The following MZT2B variants were observed in gnomAD, a reference collection of about 807,000 sequenced individuals.
MZT2B encodes the protein mitotic spindle organizing protein 2B.
MZT2B carries 11 observed loss-of-function variants against 12.1 expected under a neutral mutation model. That is an observed-to-expected ratio of 0.91 (90% CI 0.57 to 1.50). The LOEUF is 1.50. Among genes scored for constraint, MZT2B ranks in the 40% most tolerant of loss-of-function variants. The pLI is 0.00. For missense variants in MZT2B, 209 were observed against 227.7 expected, an observed-to-expected ratio of 0.92 and a Z score of 0.53; for synonymous variants, 85 against 109.5, an observed-to-expected ratio of 0.78 and a Z score of 1.40.
At chr2:130,183,508 C>T in intron 2 of MZT2B, 1 of 564,752 alleles carries the variant, frequency 1.8e-6, no homozygotes, top group Non-Finnish European at 3.2e-6. Flanking sequence ...TGCTCATCCT[C>T]TCCGCATGTT....
At chr2:130,196,240 C>G in the MZT2B span, 1 of 1,613,972 alleles carries the variant, frequency 6.2e-7, no homozygotes, top group Non-Finnish European at 8.5e-7. Context: ...AGGAGTCGTC[C>G]CCGCCACCAA....
intron 2 of MZT2B, among the ~76,000 whole-genome samples, chr2:130,187,215 C>CA (rs1291052566): frequency 6.6e-6 from 1 of 151,888 alleles, no homozygotes; most frequent in Non-Finnish European, 1.5e-5. Flanking sequence ...ATTTTTGAGA[C>CA]AGTCTTGTTC....
At chr2:130,192,819 G>A (rs1690298137), downstream of MZT2B, among the ~76,000 whole-genome samples, 1 of 152,216 alleles carries the variant, frequency 6.6e-6, no homozygotes, top group Admixed American at 6.5e-5. Flanking sequence ...CATCAGGCCA[G>A]GTGTGGTGGC....
chr2:130,186,574 A>G (rs1690072220), intron 2 of MZT2B, among the ~76,000 whole-genome samples: 1 of 152,234 alleles, frequency 6.6e-6, no homozygotes. Context: ...TGAGCCACAC[A>G]TGGCTGGCAT....
At chr2:130,184,031 C>A (rs1444998927) in intron 2 of MZT2B, 1 of 1,550,214 alleles carries the variant, frequency 6.5e-7, no homozygotes, top group Non-Finnish European at 8.7e-7. Flanking sequence ...AACTGCCTGG[C>A]CCCAGGAGGC....
Position 130,185,586 on chromosome 2 carries a change from AG to A in MZT2B, c.319+2817del, listed in dbSNP as rs1273284321. 1.9e-5 allele frequency among the ~76,000 whole-genome samples: 2 copies of A among 104,202 alleles called. 1 individual carries two copies. Among genetic ancestry groups the A allele is most frequent in the Admixed American group, 2.4e-4 (2 of 8,506 alleles). 68.4% of individuals were successfully genotyped at this position (104,202 alleles called of 152,430 possible). ...GGGGGGTAACAAGGGTTACAGCAGGAGGGGGGTCGGCAGAGCCCCACACGTG... is the reference window on the plus strand; with the variant it reads ...GGGGGGTAACAAGGGTTACAGCAGGAGGGGGTCGGCAGAGCCCCACACGTG... On this transcript the variant is annotated intron_variant, in intron 2 of 2. Coordinates refer to ENST00000281871, the MANE Select transcript of MZT2B (RefSeq NM_025029.5).
chr2:130,183,229 G>C (rs1689861966), intron 2 of MZT2B: 1 of 277,406 alleles, frequency 3.6e-6, no homozygotes, highest in East Asian at 1.0e-4. Flanking sequence ...CTCGATCTCT[G>C]TCCTGTGGTA....
chr2:130,197,492 C>CAAAA, the MZT2B span, among the ~76,000 whole-genome samples: 203 of 44,094 alleles, frequency 4.6e-3, no homozygotes, highest in African/African-American at 5.7e-3. Flanking sequence ...AGTGCTGTCT[C>CAAAA]AAAAAAAAAA....
chr2:130,194,494 A>G (rs750099891), downstream of MZT2B: 39 of 1,522,738 alleles, frequency 2.6e-5, no homozygotes, highest in Non-Finnish European at 3.2e-5. Context: ...ACGTGAGCCA[A>G]TGCCCGTGGA....
chr2:130,201,044 C>T, the MZT2B span, among the ~76,000 whole-genome samples: 2 of 152,226 alleles, frequency 1.3e-5, no homozygotes, highest in Admixed American at 6.5e-5. Flanking sequence ...CTTAACTTTC[C>T]CTCCTGAGAG....
downstream of MZT2B, among the ~76,000 whole-genome samples, chr2:130,193,465 C>T (rs529532854): frequency 5.3e-5 from 8 of 151,760 alleles, no homozygotes; most frequent in East Asian, 3.9e-4. Context: ...AAAAATTAGC[C>T]GGGCATGGTG....
intron 2 of MZT2B, chr2:130,184,186 C>T: frequency 2.1e-6 from 3 of 1,444,388 alleles, no homozygotes; most frequent in Non-Finnish European, 2.7e-6. Context: ...CATCTGGGGA[C>T]AGGACCAACA....
the MZT2B span, among the ~76,000 whole-genome samples, chr2:130,203,704 C>A: frequency 1.3e-5 from 2 of 152,118 alleles, no homozygotes; most frequent in Non-Finnish European, 2.9e-5. Context: ...CCACCTCAGC[C>A]TCCCAAAGTG....
the MZT2B span, chr2:130,196,294 T>C: frequency 4.3e-6 from 7 of 1,613,982 alleles, no homozygotes; most frequent in East Asian, 1.6e-4. Flanking sequence ...GAATTCCATG[T>C]TCAAGGCAGT....
the MZT2B span, chr2:130,198,370 C>T: frequency 2.7e-3 from 3,706 of 1,355,976 alleles, 896 homozygotes; most frequent in African/African-American, 0.051. Flanking sequence ...TGGCGAACTC[C>T]GCTGCTTCAG....
chr2:130,183,040 C>T (rs1314846138), intron 2 of MZT2B: 2 of 589,544 alleles, frequency 3.4e-6, no homozygotes, highest in Non-Finnish European at 5.8e-6. Flanking sequence ...CCCTCCACCT[C>T]TTCACTCAGG....
chr2:130,194,576 T>C, downstream of MZT2B: 2 of 1,228,392 alleles, frequency 1.6e-6, no homozygotes, highest in South Asian at 1.6e-5. Context: ...TGGATTCAAA[T>C]CATCCATAAT....
chr2:130,190,832 G>A, downstream of MZT2B: 4 of 1,181,822 alleles, frequency 3.4e-6, no homozygotes, highest in African/African-American at 3.1e-5. Flanking sequence ...AACTAACCAG[G>A]TCCCTTCACC....
At chr2:130,204,760 T>C in the MZT2B span, among the ~76,000 whole-genome samples, 3 of 152,002 alleles carry the variant, frequency 2.0e-5, no homozygotes, top group Non-Finnish European at 4.4e-5. Flanking sequence ...GACTGGACTT[T>C]TGTATGACCT....
Sources: gnomAD v4.1 joint callset for allele counts (sites outside exome capture counted in the v4.1 genomes callset) on GRCh38, gnomAD v4.1.1 for gene constraint, MANE v1.5 for transcripts, NCBI Gene and HGNC (gene_info 2026-07-23, HGNC 2026-07-21) for gene names.